The following PITPNC1 variants were observed in gnomAD, a reference collection of about 807,000 sequenced individuals.
PITPNC1 encodes cytoplasmic phosphatidylinositol transfer protein 1.
PITPNC1 carries 18 observed loss-of-function variants against 44.7 expected under a neutral mutation model. That is an observed-to-expected ratio of 0.40 (90% CI 0.28 to 0.60). The LOEUF (loss-of-function observed/expected upper bound fraction) is 0.60, where lower values mean the gene tolerates loss of function less well. Ranked by LOEUF, PITPNC1 falls within the 20% of genes least tolerant of loss-of-function variation. The probability of loss-of-function intolerance (pLI) is 0.39; values close to 1 mark genes in which losing one functional copy is unlikely to be tolerated. For missense variants in PITPNC1, 290 were observed against 418.4 expected, an observed-to-expected ratio of 0.69 and a Z score of 2.68; for synonymous variants, 141 against 149.6, an observed-to-expected ratio of 0.94 and a Z score of 0.42.
chr17:67,474,663 T>C (rs1288664431), intron 1 of PITPNC1, among the ~76,000 whole-genome samples: 3 of 152,156 alleles, frequency 2.0e-5, no homozygotes, highest in Non-Finnish European at 2.9e-5. Context: ...TCTTCTTCTC[T>C]TTATTTTTAT....
chr17:67,583,844 C>G (rs1018724797), intron 5 of PITPNC1, among the ~76,000 whole-genome samples: 1 of 150,622 alleles, frequency 6.6e-6, no homozygotes, highest in Non-Finnish European at 1.5e-5. Context: ...TACAGGCGCC[C>G]GCCACCACGC....
intron 8 of PITPNC1, among the ~76,000 whole-genome samples, chr17:67,691,046 TG>T (rs1330684838): frequency 6.6e-6 from 1 of 152,074 alleles, no homozygotes; most frequent in East Asian, 1.9e-4. Context: ...GAGGTTGCAG[TG>T]AGCCAAGATC....
intron 2 of PITPNC1, among the ~76,000 whole-genome samples, chr17:67,542,554 G>T (rs1449401405): frequency 6.6e-6 from 1 of 152,158 alleles, no homozygotes; most frequent in Non-Finnish European, 1.5e-5. Context: ...ATAAGCCATG[G>T]TCATGGTTCT....
rs528422539 is a variant in PITPNC1, at chr17:67,563,567, A to C, written c.294+9950A>C. 1.6e-4 allele frequency among the ~76,000 whole-genome samples: 24 copies of C among 152,296 alleles called. No individual in the cohort carries two copies. The South Asian group carries it at 5.0e-3, about 32-fold the overall frequency. On this transcript the variant is annotated intron_variant, in intron 4 of 8. Transcript: ENST00000581322. ...GGGTTCTTCTCAATGAGTGGTTTTC[A>C]AACTGTCCTCCTTTAGGTCCAGGAG...
At chr17:67,632,582 T>G in intron 6 of PITPNC1, among the ~76,000 whole-genome samples, 1 of 150,770 alleles carries the variant, frequency 6.6e-6, no homozygotes, top group Non-Finnish European at 1.5e-5. Context: ...TTTTTTTTTT[T>G]TTTCTTTTTT....
intron 5 of PITPNC1, among the ~76,000 whole-genome samples, chr17:67,599,924 C>T (rs2041518908): frequency 6.6e-6 from 1 of 152,066 alleles, no homozygotes; most frequent in South Asian, 2.1e-4. Context: ...TTGCTGGACT[C>T]GTGGATCAAA....
chr17:67,471,073 C>G (rs368973157), intron 1 of PITPNC1, among the ~76,000 whole-genome samples: 6 of 123,394 alleles, frequency 4.9e-5, no homozygotes, highest in African/African-American at 1.9e-4. Flanking sequence ...TGCGGAAGGC[C>G]GCAGGGTCCT....
chr17:67,439,949 C>A (rs1230120751), intron 1 of PITPNC1, among the ~76,000 whole-genome samples: 1 of 152,100 alleles, frequency 6.6e-6, no homozygotes, highest in African/African-American at 2.4e-5. Context: ...AACCCAAAAC[C>A]TTCTTTCCCA....
chr17:67,473,850 T>C (rs2039586893), intron 1 of PITPNC1, among the ~76,000 whole-genome samples: 1 of 152,232 alleles, frequency 6.6e-6, no homozygotes, highest in African/African-American at 2.4e-5. Flanking sequence ...CTGCAGCTAT[T>C]ATTACTGTAA....
rs559298577 is a variant in PITPNC1, at chr17:67,692,940, T to G, written c.*52T>G. 4.3e-4 allele frequency: 518 copies of G among 1,193,972 alleles called. No individual in the cohort carries two copies. Among genetic ancestry groups the G allele is most frequent in the Admixed American group, 1.1e-3 (49 of 45,212 alleles). The allele number at this position is 1,193,972 out of a possible 1,614,324, so 74.0% of individuals were successfully genotyped here. On this transcript the variant is annotated 3_prime_UTR_variant, in exon 9 of 9. Coordinates refer to ENST00000581322, the MANE Select transcript of PITPNC1 (RefSeq NM_012417.4). The stretch of plus-strand genomic sequence containing the variant: ...TATATTTTCATTTGTTGTTGTTGTT[T>G]TTTTTTAAGAATCTTCTGATAGAGA...
At position 67,446,739 on chromosome 17, in the gene PITPNC1, T is replaced by C. The variant is rs2039101744; in HGVS notation, c.48+68537T>C. On this transcript the variant is annotated intron_variant, in intron 1 of 8. Transcript: ENST00000581322. ...ATGGTGGGTTTTTGAATGGTGGATC[T>C]GGGGCCTTGTATGGCAGATGCACCT... 2.0e-5 allele frequency among the ~76,000 whole-genome samples: 3 copies of C among 151,824 alleles called. No individual in the cohort carries two copies. In the South Asian group the frequency reaches 6.2e-4, roughly 31 times the overall value.
intron 1 of PITPNC1, among the ~76,000 whole-genome samples, chr17:67,502,474 G>C (rs1445366538): frequency 6.6e-6 from 1 of 152,124 alleles, no homozygotes; most frequent in Non-Finnish European, 1.5e-5. Context: ...TTTAAGGAAC[G>C]GGTTGGCCCA....
chr17:67,507,028 T>C (rs1598754086), intron 1 of PITPNC1, among the ~76,000 whole-genome samples: 1 of 152,286 alleles, frequency 6.6e-6, no homozygotes, highest in South Asian at 2.1e-4. Context: ...GTGGTGGTGG[T>C]TTCTTGTAAT....
At chr17:67,608,234 T>TAAAAAAAAAAAAAA (rs150137801) in intron 5 of PITPNC1, among the ~76,000 whole-genome samples, 3 of 122,322 alleles carry the variant, frequency 2.5e-5, no homozygotes, top group African/African-American at 3.1e-5. Context: ...AAATGTCAAT[T>TAAAAAAAAAAAAAA]AAAAAAAAAA....
rs189728838 is a variant in PITPNC1, at chr17:67,649,133, G to A, written c.462+16895G>A. On this transcript the variant is annotated intron_variant, in intron 6 of 8. Transcript: ENST00000581322. ...TGCACCACTGCACTCCAGCCTGGGT[G>A]ACAGAGTGAGACCCTGACACACACA... Among the ~76,000 whole-genome samples, 356 of 152,320 alleles carry A rather than the reference G, an allele frequency of 2.3e-3. 2 individuals are homozygous for A. The highest frequency in any genetic ancestry group is 4.8e-3 in the Admixed American group (73 of 15,300).
intron 1 of PITPNC1, among the ~76,000 whole-genome samples, chr17:67,426,197 TG>T (rs1232670146): frequency 6.6e-6 from 1 of 152,192 alleles, no homozygotes; most frequent in Admixed American, 6.5e-5. Context: ...GAAGACAGTA[TG>T]GGGATTCCTC....
In PITPNC1 at chr17:67,440,699, AT is replaced by A. The variant is rs950356204; in HGVS notation, c.48+62507del. Reference sequence around the variant, plus strand: ...AGGCATGCACCGTCATGCCTGGCTGATTTTTTTTTTGAAAAAAAATTTTTTT... The same window carrying A: ...AGGCATGCACCGTCATGCCTGGCTGATTTTTTTTTGAAAAAAAATTTTTTT... On this transcript the variant is annotated intron_variant, in intron 1 of 8. Coordinates refer to ENST00000581322, the MANE Select transcript of PITPNC1 (RefSeq NM_012417.4). Among the ~76,000 whole-genome samples, 56 of 147,288 alleles carry A rather than the reference AT, an allele frequency of 3.8e-4. No homozygotes were observed. In the South Asian group the frequency reaches 5.9e-3, roughly 15 times the overall value.
intron 1 of PITPNC1, among the ~76,000 whole-genome samples, chr17:67,502,262 C>T (rs1324548590): frequency 6.6e-6 from 1 of 150,910 alleles, no homozygotes; most frequent in Non-Finnish European, 1.5e-5. Flanking sequence ...AATCATAATC[C>T]GTGTTTTAAG....
At chr17:67,544,091 T>C (rs1422059669) in intron 2 of PITPNC1, among the ~76,000 whole-genome samples, 3 of 152,220 alleles carry the variant, frequency 2.0e-5, no homozygotes, top group African/African-American at 7.2e-5. Flanking sequence ...CCTCAGGTGA[T>C]CCGCCCACCT....
Sources: allele counts gnomAD v4.1 joint callset (sites outside exome capture counted in the v4.1 genomes callset), GRCh38; gene constraint gnomAD v4.1.1; transcripts MANE v1.5; gene names NCBI Gene and HGNC (gene_info 2026-07-23, HGNC 2026-07-21).